CAMTA1: variants seen among roughly 807,000 people sequenced by gnomAD.
CAMTA1 encodes calmodulin-binding transcription activator 1.
A neutral mutation model predicts 170.9 loss-of-function variants in CAMTA1; 27 were observed. That is an observed-to-expected ratio of 0.16 (90% confidence interval 0.12 to 0.22). The LOEUF is 0.22. CAMTA1 is among the 10% of genes least tolerant of loss of function. The probability of loss-of-function intolerance (pLI) is 1.00; values close to 1 mark genes in which losing one functional copy is unlikely to be tolerated. For missense variants in CAMTA1, 1,619 were observed against 2,217.2 expected (o/e 0.73, Z 5.42); for synonymous variants, 833 against 891.5 (o/e 0.93, Z 1.17).
chr1:6,926,562 TTCTC>T (rs1294971908), intron 3 of CAMTA1, among the ~76,000 whole-genome samples: 17 of 139,016 alleles, frequency 1.2e-4, no homozygotes, highest in African/African-American at 3.8e-4. Context: ...CCTTCCTTCT[TTCTC>T]TCTCTCTCCT....
At chr1:7,508,960 A>C (rs1006005717) in intron 6 of CAMTA1, among the ~76,000 whole-genome samples, 1 of 152,204 alleles carries the variant, frequency 6.6e-6, no homozygotes, top group Admixed American at 6.5e-5. Flanking sequence ...AAACGTGCAA[A>C]AAAAATGCCC....
intron 11 of CAMTA1, among the ~76,000 whole-genome samples, chr1:7,678,984 G>A (rs116710877): frequency 1.2e-4 from 19 of 152,346 alleles, no homozygotes; most frequent in Non-Finnish European, 1.9e-4. Flanking sequence ...AGAGGGTGCC[G>A]ACAGCTGCCC....
chr1:7,042,188 T>A (rs1021283423), intron 3 of CAMTA1, among the ~76,000 whole-genome samples: 1 of 152,130 alleles, frequency 6.6e-6, no homozygotes, highest in Non-Finnish European at 1.5e-5. Context: ...GGGATATTGA[T>A]CATGGCCCCT....
chr1:7,132,509 T>C (rs2148548073), intron 4 of CAMTA1, among the ~76,000 whole-genome samples: 1 of 152,262 alleles, frequency 6.6e-6, no homozygotes, highest in Non-Finnish European at 1.5e-5. Flanking sequence ...ACTTTTAATT[T>C]TACATAATTA....
At position 7,736,374 on chromosome 1, in the gene CAMTA1, T is replaced by A; in HGVS notation, c.3097T>A (p.Cys1033Ser). Residue 1033 changes from cysteine (C) to serine (S), a missense_variant, in exon 13 of 23, where the codon TGC (cysteine) becomes AGC (serine). Cys to Ser is a moderately radical substitution (Grantham distance 112). Around this residue, in one of 8 missense-constraint regions of CAMTA1, gnomAD observed 143 missense variants for 184.2 expected, o/e 0.78. Coordinates refer to ENST00000303635, the MANE Select transcript of CAMTA1 (RefSeq NM_015215.4). The surrounding 1 kb of genome is among the most constrained non-coding windows in gnomAD (Gnocchi z 4.5). ...CASGTGALGS[C>S]FESRVVVVCE... ...TTCTGGGACTGGGGCCTTGGGGAGCTGCTTTGAGAGCCGTGTGGTCGTGGT... is the reference window on the plus strand; with the variant it reads ...TTCTGGGACTGGGGCCTTGGGGAGCAGCTTTGAGAGCCGTGTGGTCGTGGT... The A allele has an allele frequency of 1.2e-6, 2 of 1,614,134 alleles. No homozygotes were observed. The highest frequency in any genetic ancestry group is 1.7e-6 in the Non-Finnish European group (2 of 1,180,016).
intron 5 of CAMTA1, among the ~76,000 whole-genome samples, chr1:7,311,008 G>A (rs1185541927): frequency 6.6e-6 from 1 of 152,152 alleles, no homozygotes; most frequent in Non-Finnish European, 1.5e-5. Context: ...TGGGATTACA[G>A]GCATGAGCCA....
intron 3 of CAMTA1, among the ~76,000 whole-genome samples, chr1:6,953,357 C>G (rs151122992): frequency 6.6e-6 from 1 of 152,226 alleles, no homozygotes; most frequent in Admixed American, 6.5e-5. Flanking sequence ...GGGTCCAACC[C>G]CGGGAACGTG....
intron 5 of CAMTA1, among the ~76,000 whole-genome samples, chr1:7,310,690 C>T (rs1220509543): frequency 0.017 from 724 of 42,610 alleles, 77 homozygotes; most frequent in African/African-American, 0.075. Flanking sequence ...CTCTCTCTCT[C>T]TCTCTCTCTC....
chr1:7,655,105 TAC>T (rs1558063970), intron 7 of CAMTA1, among the ~76,000 whole-genome samples: 2 of 16,188 alleles, frequency 1.2e-4, no homozygotes, highest in Non-Finnish European at 3.6e-4. Context: ...CACACACCTA[TAC>T]ACACACCTAT....
In CAMTA1 at chr1:7,683,483, T is replaced by C. The variant is rs1398080553; in HGVS notation, c.2914+5750T>C. On this transcript the variant is annotated intron_variant, in intron 11 of 22. Coordinates refer to ENST00000303635, the MANE Select transcript of CAMTA1 (RefSeq NM_015215.4). ...CCCTCTCCCACCTCCGGGAGCTCTT[T>C]AGGGGAGCTGGAGAAGCACTGACCC... is the stretch of plus-strand genomic sequence containing the variant. Among the ~76,000 whole-genome samples the C allele has an allele frequency of 2.6e-5, 4 of 151,952 alleles. No homozygotes were observed. In the East Asian group the frequency reaches 7.8e-4, roughly 30 times the overall value.
intron 4 of CAMTA1, among the ~76,000 whole-genome samples, chr1:7,133,091 G>T (rs1645354776): frequency 6.6e-6 from 1 of 152,106 alleles, no homozygotes; most frequent in Non-Finnish European, 1.5e-5. Flanking sequence ...TCGGGGTAAT[G>T]CTAGATTTAG....
chr1:7,603,597 C>A (rs897546188), intron 6 of CAMTA1, among the ~76,000 whole-genome samples: 3 of 152,150 alleles, frequency 2.0e-5, no homozygotes, highest in African/African-American at 7.2e-5. Context: ...AGATGGGTTT[C>A]CTGAATACAG....
At chr1:7,021,307 A>C (rs1346935925) in intron 3 of CAMTA1, among the ~76,000 whole-genome samples, 2 of 152,142 alleles carry the variant, frequency 1.3e-5, no homozygotes, top group Non-Finnish European at 2.9e-5. Flanking sequence ...TGGAGCCTGC[A>C]CCTGAACCGG....
Position 7,365,906 on chromosome 1 carries a change from C to T in CAMTA1, c.439-101924C>T, listed in dbSNP as rs1309335269. On this transcript the variant is annotated intron_variant, in intron 5 of 22. Coordinates refer to ENST00000303635, the MANE Select transcript of CAMTA1 (RefSeq NM_015215.4). ...CCTGCTCCTCTCTGGAGGCTGCTCCCTCCGCGCACAGGGTCATCAGCTTCC... is the reference window on the plus strand; with the variant it reads ...CCTGCTCCTCTCTGGAGGCTGCTCCTTCCGCGCACAGGGTCATCAGCTTCC... Among the ~76,000 whole-genome samples the T allele has an allele frequency of 2.0e-5, 3 of 152,204 alleles. No homozygotes were observed. In the East Asian group the frequency reaches 5.8e-4, roughly 29 times the overall value.
intron 4 of CAMTA1, among the ~76,000 whole-genome samples, chr1:7,242,610 G>A (rs1288513206): frequency 6.6e-6 from 1 of 151,912 alleles, no homozygotes; most frequent in Admixed American, 6.6e-5. Context: ...TGCCTTCTAG[G>A]TCCCCCAATT....
At chr1:7,211,801 A>G (rs538366712) in intron 4 of CAMTA1, among the ~76,000 whole-genome samples, 2 of 152,318 alleles carry the variant, frequency 1.3e-5, no homozygotes, top group African/African-American at 4.8e-5. Flanking sequence ...AAGCTAAGCA[A>G]TGCATGTGTG....
Position 7,491,464 on chromosome 1 carries a change from G to A in CAMTA1, c.510+23563G>A, listed in dbSNP as rs377013837. ...GTAGACACAGAGGGAAGATGGTTCC[G>A]GAATGTTCTGCGTGTACTGCCGATT... On this transcript the variant is annotated intron_variant, in intron 6 of 22. Coordinates refer to ENST00000303635, the MANE Select transcript of CAMTA1 (RefSeq NM_015215.4). Among the ~76,000 whole-genome samples, 16 of 152,342 alleles carry A rather than the reference G, an allele frequency of 1.1e-4. No individual in the cohort carries two copies. The East Asian group carries it at 1.5e-3, about 15-fold the overall frequency.
intron 5 of CAMTA1, among the ~76,000 whole-genome samples, chr1:7,411,273 C>A (rs1451997089): frequency 6.6e-6 from 1 of 152,080 alleles, no homozygotes; most frequent in Non-Finnish European, 1.5e-5. Context: ...GCAGGGGTCC[C>A]CCTCTTTGGC....
chr1:6,926,446 TTCTTTC>T (rs879501487), intron 3 of CAMTA1, among the ~76,000 whole-genome samples: 1,424 of 55,798 alleles, frequency 0.026, 16 homozygotes, highest in Non-Finnish European at 0.034. Context: ...TTCTCTTTCT[TTCTTTC>T]TTTCTTTCTT....
Sources: gnomAD v4.1 joint callset for allele counts (sites outside exome capture counted in the v4.1 genomes callset) on GRCh38, gnomAD v4.1.1 for gene constraint, gnomAD v4.1.1 regional missense constraint, Gnocchi (gnomAD v3.1) non-coding constraint, MANE v1.5 for transcripts, NCBI Gene and HGNC (gene_info 2026-07-23, HGNC 2026-07-21) for gene names.